The following CNGB3 variants were observed in gnomAD, a reference collection of about 807,000 sequenced individuals.
CNGB3 encodes the protein cyclic nucleotide gated channel subunit beta 3, also known as cyclic nucleotide-gated channel beta-3.
Under a neutral mutation model 92.8 loss-of-function variants are expected in CNGB3, and 86 were observed. That is an observed-to-expected ratio of 0.93 (90% CI 0.78 to 1.11). The LOEUF is 1.11. Ranked by LOEUF, CNGB3 falls within the 50% of genes least tolerant of loss-of-function variation. The probability of loss-of-function intolerance (pLI) is 0.00; values close to 1 mark genes in which losing one functional copy is unlikely to be tolerated. For missense variants in CNGB3, 1,026 were observed against 956.8 expected (o/e 1.07, Z -0.95); for synonymous variants, 333 against 332.7 (o/e 1.00, Z -0.01).
chr8:86,618,029 G>T (rs531790639), intron 13 of CNGB3, among the ~76,000 whole-genome samples: 2 of 152,280 alleles, frequency 1.3e-5, no homozygotes, highest in East Asian at 3.9e-4. Context: ...GGGGGTGATG[G>T]GAGACAGTGA....
chr8:86,673,273 G>A (rs1475960029), intron 3 of CNGB3, among the ~76,000 whole-genome samples: 1 of 152,188 alleles, frequency 6.6e-6, no homozygotes, highest in Admixed American at 6.5e-5. Context: ...CTTTGTAGAG[G>A]AAGTACACTG....
chr8:86,644,742 T>C (rs1823265628), intron 8 of CNGB3, 56 bp from the exon 9 acceptor site: 2 of 1,118,386 alleles, frequency 1.8e-6, no homozygotes, highest in Non-Finnish European at 1.2e-6. Flanking sequence ...TATATATATT[T>C]AAATAAAACT....
chr8:86,603,590 A>G (rs1822352505), intron 15 of CNGB3, among the ~76,000 whole-genome samples: 3 of 152,210 alleles, frequency 2.0e-5, no homozygotes, highest in Admixed American at 6.5e-5. Flanking sequence ...ACTTTAAGAT[A>G]TGTTCTATTA....
intron 15 of CNGB3, among the ~76,000 whole-genome samples, chr8:86,596,328 A>G (rs1400730192): frequency 2.6e-5 from 4 of 152,338 alleles, no homozygotes; most frequent in South Asian, 4.1e-4. Context: ...ATCTGCCCAT[A>G]TATTACAAGA....
intron 3 of CNGB3, among the ~76,000 whole-genome samples, chr8:86,703,498 A>G (rs1233166478): frequency 1.3e-5 from 2 of 152,174 alleles, no homozygotes; most frequent in East Asian, 1.9e-4. Flanking sequence ...CAGCTTTGCA[A>G]TTATTGTGTG....
chr8:86,592,472 A>G (rs1202464940), intron 15 of CNGB3, among the ~76,000 whole-genome samples: 2 of 152,160 alleles, frequency 1.3e-5, no homozygotes, highest in Non-Finnish European at 2.9e-5. Context: ...GTGGTCATGT[A>G]TTAGTGTTTC....
In CNGB3 at chr8:86,671,080, A is replaced by G; in HGVS notation, c.357T>C (p.Pro119=). 6.2e-7 allele frequency: 1 copy of G among 1,613,870 alleles called. No homozygotes were observed. Among genetic ancestry groups the G allele is most frequent in the Non-Finnish European group, 8.5e-7 (1 of 1,179,998 alleles). The change falls in exon 4 of 18, where the codon CCT becomes CCC. Residue 119 remains proline, a synonymous_variant. Transcript: ENST00000320005. ...EGPNSPQNKP[P]AAPVINEYAD... ...CATACTCATTTATAACAGGAGCTGC[A>G]GGCGGTTTGTTTTGTGGGCTAAATG...
At position 86,611,601 on chromosome 8, in the gene CNGB3, A is replaced by G; in HGVS notation, c.1649T>C (p.Phe550Ser). The change falls in exon 14 of 18, where the codon TTT (phenylalanine) becomes TCT (serine). Residue 550 changes from phenylalanine (F) to serine (S), a missense_variant. By Grantham distance (155) the Phe-to-Ser change is radical (BLOSUM62 -2). Transcript: ENST00000320005. The part of the protein sequence containing the change: ...LKSVLYLPGD[F>S]VCKKGEIGKE... ...GCATGCACTCACCTTTTTGCAGACA[A>G]AGTCACCAGGCAAATAGAGAACGGA... is the stretch of plus-strand genomic sequence containing the variant. The G allele has an allele frequency of 6.2e-7, 1 of 1,613,170 alleles. No homozygotes were observed. Among genetic ancestry groups the G allele is most frequent in the Non-Finnish European group, 8.5e-7 (1 of 1,179,250 alleles).
intron 6 of CNGB3, chr8:86,658,751 G>A (rs760494901): frequency 1.2e-5 from 6 of 502,406 alleles, no homozygotes; most frequent in Non-Finnish European, 2.2e-5. Flanking sequence ...TGTTCTCATT[G>A]TTCAGCTTCA....
intron 3 of CNGB3, among the ~76,000 whole-genome samples, chr8:86,720,918 A>G (rs549870674): frequency 6.6e-6 from 1 of 151,338 alleles, no homozygotes; most frequent in South Asian, 2.1e-4. Context: ...AAGGAACAAA[A>G]TAATGGCATT....
chr8:86,661,595 T>C, intron 6 of CNGB3: 1 of 770,500 alleles, frequency 1.3e-6, no homozygotes. Flanking sequence ...TCCTTCATCC[T>C]CCAACTTTTT....
chr8:86,692,659 T>C (rs1001751465), intron 3 of CNGB3, among the ~76,000 whole-genome samples: 1 of 152,184 alleles, frequency 6.6e-6, no homozygotes, highest in Non-Finnish European at 1.5e-5. Context: ...AGACACTTGG[T>C]TGGTGGATTT....
intron 3 of CNGB3, among the ~76,000 whole-genome samples, chr8:86,683,264 G>T (rs536830024): frequency 6.6e-6 from 1 of 152,060 alleles, no homozygotes; most frequent in East Asian, 1.9e-4. Flanking sequence ...TTAATGTCTG[G>T]TTCTTTTTCT....
intron 2 of CNGB3, among the ~76,000 whole-genome samples, chr8:86,729,837 G>A (rs315976): frequency 0.25 from 37,302 of 152,152 alleles, 5,033 homozygotes; most frequent in Middle Eastern, 0.4. Flanking sequence ...ACGGCACATT[G>A]TGATTCTTCC....
Position 86,643,875 on chromosome 8 carries a change from T to A in CNGB3, c.1056-2A>T. On this transcript the variant is annotated splice_acceptor_variant, in intron 9 of 17. Coordinates refer to ENST00000320005, the MANE Select transcript of CNGB3 (RefSeq NM_019098.5). LOFTEE classifies it high-confidence loss of function. ...AAGTATCCAGTTGTTCGAATAACTC[T>A]GTCAGAGAGAATAGATGCAAAGTAA... 1 of 1,604,758 alleles carries A rather than the reference T, an allele frequency of 6.2e-7. No individual in the cohort carries two copies. Among genetic ancestry groups the A allele is most frequent in the Non-Finnish European group, 8.5e-7 (1 of 1,173,718 alleles).
chr8:86,705,267 G>A (rs550468820), intron 3 of CNGB3, among the ~76,000 whole-genome samples: 134 of 152,070 alleles, frequency 8.8e-4, no homozygotes, highest in Middle Eastern at 3.4e-3. Context: ...CATTTTCATC[G>A]TTTAAGTTTT....
At chr8:86,625,463 A>G (rs1197223060) in intron 13 of CNGB3, among the ~76,000 whole-genome samples, 1 of 152,232 alleles carries the variant, frequency 6.6e-6, no homozygotes, top group Non-Finnish European at 1.5e-5. Context: ...GTAATACTTA[A>G]AACACTCAAA....
chr8:86,624,555 C>A (rs1822806764), intron 13 of CNGB3, among the ~76,000 whole-genome samples: 1 of 152,316 alleles, frequency 6.6e-6, no homozygotes, highest in Middle Eastern at 3.4e-3. Context: ...TTTGCTCCAG[C>A]CACTCTGGCT....
intron 3 of CNGB3, 122 bp from the exon 4 acceptor site, chr8:86,671,220 G>A: frequency 9.6e-7 from 1 of 1,045,524 alleles, no homozygotes; most frequent in Non-Finnish European, 1.5e-6. Context: ...TTTTGCAATT[G>A]AATAGCACAA....
Sources: allele counts gnomAD v4.1 joint callset (sites outside exome capture counted in the v4.1 genomes callset), GRCh38; gene constraint gnomAD v4.1.1; transcripts MANE v1.5; gene names NCBI Gene and HGNC (gene_info 2026-07-23, HGNC 2026-07-21).